The following NSUN6 variants were observed in gnomAD, a reference collection of about 807,000 sequenced individuals.
NSUN6 encodes NOP2/Sun RNA methyltransferase 6, also known as tRNA (cytosine(72)-C(5))-methyltransferase NSUN6.
In NSUN6, 64 loss-of-function variants were observed where a neutral mutation model predicts 58.0. That is an observed-to-expected ratio of 1.10 (90% CI 0.90 to 1.36). The LOEUF (loss-of-function observed/expected upper bound fraction) is 1.36, where lower values mean the gene tolerates loss of function less well. Among genes scored for constraint, NSUN6 ranks in the 40% most tolerant of loss-of-function variants. NSUN6 has a pLI of 0.00. For missense variants in NSUN6, 701 were observed against 550.1 expected, an observed-to-expected ratio of 1.27 and a Z score of -2.74; for synonymous variants, 231 against 193.9, an observed-to-expected ratio of 1.19 and a Z score of -1.59.
At chr10:18,605,798 A>T (rs2058027445) in intron 6 of NSUN6, among the ~76,000 whole-genome samples, 1 of 152,222 alleles carries the variant, frequency 6.6e-6, no homozygotes, top group Non-Finnish European at 1.5e-5. Context: ...AACATCATAC[A>T]ACCTAAGGAT....
chr10:18,603,966 G>A (rs903740979), intron 6 of NSUN6, among the ~76,000 whole-genome samples: 1 of 151,956 alleles, frequency 6.6e-6, no homozygotes, highest in Non-Finnish European at 1.5e-5. Flanking sequence ...GGCAGATCAC[G>A]AAGTCAAGAG....
At chr10:18,644,293 A>T (rs1250802782) in intron 2 of NSUN6, among the ~76,000 whole-genome samples, 2 of 152,112 alleles carry the variant, frequency 1.3e-5, no homozygotes, top group African/African-American at 4.8e-5. Flanking sequence ...CAAATCCAAA[A>T]CTTTTTGAAT....
At chr10:18,611,197 AT>A (rs1215820384) in intron 5 of NSUN6, among the ~76,000 whole-genome samples, 6 of 150,576 alleles carry the variant, frequency 4.0e-5, no homozygotes, top group Non-Finnish European at 5.9e-5. Context: ...AATAAATAAA[AT>A]TTTTAAAAAA....
At chr10:18,565,451 A>T (rs1025342143) in intron 8 of NSUN6, among the ~76,000 whole-genome samples, 16 of 139,988 alleles carry the variant, frequency 1.1e-4, no homozygotes, top group African/African-American at 4.3e-4. Flanking sequence ...ATTTCATTCC[A>T]CTCTCCATTC....
chr10:18,645,355 C>CGG (rs1486942428), intron 2 of NSUN6, among the ~76,000 whole-genome samples: 1 of 151,984 alleles, frequency 6.6e-6, no homozygotes, highest in African/African-American at 2.4e-5. Context: ...ATAAAATTAC[C>CGG]TTCAGGCTAT....
At chr10:18,626,378 C>T (rs10741115) in intron 3 of NSUN6, among the ~76,000 whole-genome samples, 52,903 of 151,686 alleles carry the variant, frequency 0.35, 9,790 homozygotes, top group East Asian at 0.74. Context: ...CATCTCAAAA[C>T]AAAAATAAAA....
upstream of NSUN6, among the ~76,000 whole-genome samples, chr10:18,654,066 GGAT>G (rs1384483183): frequency 6.6e-6 from 1 of 152,126 alleles, no homozygotes; most frequent in African/African-American, 2.4e-5. Flanking sequence ...CTCTTTAGGG[GGAT>G]GATAATTTTA....
intron 8 of NSUN6, among the ~76,000 whole-genome samples, chr10:18,555,616 A>C (rs1288232749): frequency 4.0e-5 from 6 of 149,844 alleles, no homozygotes; most frequent in Admixed American, 3.4e-4. Context: ...TGGAATAGAG[A>C]ATGGAATGGA....
chr10:18,594,166 C>T (rs906151870), intron 7 of NSUN6, among the ~76,000 whole-genome samples: 1 of 147,790 alleles, frequency 6.8e-6, no homozygotes, highest in African/African-American at 2.5e-5. Context: ...GGCCACGGTG[C>T]ACTCCAGCCT....
chr10:18,642,023 T>C (rs145992534), intron 3 of NSUN6, among the ~76,000 whole-genome samples: 9 of 152,320 alleles, frequency 5.9e-5, no homozygotes, highest in African/African-American at 2.2e-4. Context: ...GCTATGCTTG[T>C]GTCCCTGCAC....
intron 6 of NSUN6, among the ~76,000 whole-genome samples, chr10:18,605,634 T>C (rs2058022326): frequency 1.3e-5 from 2 of 152,214 alleles, no homozygotes; most frequent in African/African-American, 2.4e-5. Context: ...GGCGTCTAGA[T>C]AGGCTGTCAA....
At chr10:18,594,438 T>TTG (rs913210342) in intron 7 of NSUN6, among the ~76,000 whole-genome samples, 18 of 151,578 alleles carry the variant, frequency 1.2e-4, no homozygotes, top group Non-Finnish European at 2.1e-4. Flanking sequence ...TCTGTTTTTT[T>TTG]TTGTTGTTGT....
chr10:18,587,663 C>G (rs1031565419), intron 7 of NSUN6, among the ~76,000 whole-genome samples: 5 of 152,122 alleles, frequency 3.3e-5, no homozygotes, highest in Admixed American at 3.3e-4. Context: ...GATGGGGCGT[C>G]ACTCACCCAG....
Position 18,564,498 on chromosome 10 carries a change from C to T in NSUN6, c.923-12527G>A, listed in dbSNP as rs563870709. 6.9e-4 allele frequency among the ~76,000 whole-genome samples: 104 copies of T among 150,738 alleles called. 1 individual carries two copies. The South Asian group carries it at 0.011, about 16-fold the overall frequency. Reference sequence around the variant, plus strand: ...GCTCAATTTCATTCCATTCCATTCTCCCTTTCATTCCATTCTCCACTCCAT... The same window carrying T: ...GCTCAATTTCATTCCATTCCATTCTTCCTTTCATTCCATTCTCCACTCCAT... On this transcript the variant is annotated intron_variant, in intron 8 of 10. Coordinates refer to ENST00000377304, the MANE Select transcript of NSUN6 (RefSeq NM_182543.5).
intron 3 of NSUN6, among the ~76,000 whole-genome samples, chr10:18,622,251 C>T (rs2058635570): frequency 6.6e-6 from 1 of 152,106 alleles, no homozygotes. Flanking sequence ...AAGAGCTACC[C>T]ACTTGCTTTC....
chr10:18,605,035 G>A (rs566362715), intron 6 of NSUN6, among the ~76,000 whole-genome samples: 43 of 151,422 alleles, frequency 2.8e-4, no homozygotes, highest in African/African-American at 1.0e-3. Context: ...ATAGGCGTCC[G>A]CCACCACGCC....
chr10:18,587,044 T>G (rs570206456), intron 7 of NSUN6, among the ~76,000 whole-genome samples: 1 of 152,230 alleles, frequency 6.6e-6, no homozygotes, highest in African/African-American at 2.4e-5. Context: ...TAAATACTTA[T>G]GGCTTTCCAT....
chr10:18,614,934 C>T (rs975461402), intron 4 of NSUN6, among the ~76,000 whole-genome samples: 1 of 152,064 alleles, frequency 6.6e-6, no homozygotes, highest in Non-Finnish European at 1.5e-5. Flanking sequence ...TAAATCTTGA[C>T]ATCTCAGCTC....
chr10:18,560,440 G>C (rs575098566), intron 8 of NSUN6, among the ~76,000 whole-genome samples: 1 of 149,822 alleles, frequency 6.7e-6, no homozygotes, highest in Admixed American at 6.7e-5. Context: ...GGAGAATGGA[G>C]AATAGAATGG....
Sources: allele counts gnomAD v4.1 joint callset (sites outside exome capture counted in the v4.1 genomes callset), GRCh38; gene constraint gnomAD v4.1.1; transcripts MANE v1.5; gene names NCBI Gene and HGNC (gene_info 2026-07-23, HGNC 2026-07-21).